NBEA: variants seen among roughly 807,000 people sequenced by gnomAD.
The protein encoded by NBEA is lysosomal-trafficking regulator 2.
Under a neutral mutation model 343.4 loss-of-function variants are expected in NBEA, and 44 were observed. The observed-to-expected ratio is 0.13, with a 90% confidence interval of 0.10 to 0.16. NBEA has a LOEUF of 0.16. Ranked by LOEUF, NBEA falls within the 10% of genes least tolerant of loss-of-function variation. The probability of loss-of-function intolerance (pLI) is 1.00; values close to 1 mark genes in which losing one functional copy is unlikely to be tolerated. For missense variants in NBEA, 2,555 were observed against 3,631.3 expected (o/e 0.70, Z 7.62); for synonymous variants, 1,175 against 1,238.7 (o/e 0.95, Z 1.08).
At chr13:35,331,273 G>A (rs898811747) in intron 36 of NBEA, among the ~76,000 whole-genome samples, 10 of 151,982 alleles carry the variant, frequency 6.6e-5, no homozygotes, top group African/African-American at 2.2e-4. Flanking sequence ...CCCAATCAAA[G>A]TCTGTCTTCT....
At chr13:35,137,552 G>A (rs1428563956) in intron 17 of NBEA, among the ~76,000 whole-genome samples, 1 of 151,476 alleles carries the variant, frequency 6.6e-6, no homozygotes, top group Non-Finnish European at 1.5e-5. Context: ...TTAAATGTGA[G>A]TAAAATTACA....
intron 38 of NBEA, among the ~76,000 whole-genome samples, chr13:35,356,454 T>G (rs1177755207): frequency 6.6e-6 from 1 of 152,198 alleles, no homozygotes; most frequent in Non-Finnish European, 1.5e-5. Context: ...TTATACAGTG[T>G]ACGTTTCTAC....
At chr13:34,988,025 C>G (rs2060619278) in intron 1 of NBEA, among the ~76,000 whole-genome samples, 2 of 151,090 alleles carry the variant, frequency 1.3e-5, no homozygotes, top group Non-Finnish European at 3.0e-5. Flanking sequence ...CTCCATGCAG[C>G]TTTGTTCTTT....
intron 41 of NBEA, among the ~76,000 whole-genome samples, chr13:35,533,901 A>T (rs1034563775): frequency 2.0e-5 from 3 of 152,220 alleles, no homozygotes; most frequent in Non-Finnish European, 4.4e-5. Flanking sequence ...GAAACACAGA[A>T]ATAACCTCTA....
At chr13:35,655,116 C>T (rs2084752952) in intron 54 of NBEA, 106 bp downstream of exon 54, 1 of 854,366 alleles carries the variant, frequency 1.2e-6, no homozygotes, top group African/African-American at 1.8e-5. Context: ...CATTTGCCAA[C>T]TTGAGTAGTC....
intron 31 of NBEA, among the ~76,000 whole-genome samples, chr13:35,205,652 A>G (rs1344067075): frequency 6.6e-6 from 1 of 152,060 alleles, no homozygotes; most frequent in African/African-American, 2.4e-5. Flanking sequence ...AGCAGAGTAT[A>G]TGAGGATTAT....
At chr13:35,563,851 T>C (rs1435876164) in intron 44 of NBEA, among the ~76,000 whole-genome samples, 2 of 143,938 alleles carry the variant, frequency 1.4e-5, no homozygotes. Flanking sequence ...TTTTCTTCTT[T>C]GTATTTTTTT....
chr13:35,396,831 T>C (rs1438701604), intron 38 of NBEA, among the ~76,000 whole-genome samples: 1 of 152,158 alleles, frequency 6.6e-6, no homozygotes, highest in Non-Finnish European at 1.5e-5. Flanking sequence ...CTAGGAGTAA[T>C]TTTTCATTCA....
intron 31 of NBEA, among the ~76,000 whole-genome samples, chr13:35,198,341 T>G (rs1303146619): frequency 1.3e-5 from 2 of 152,142 alleles, no homozygotes; most frequent in African/African-American, 2.4e-5. Flanking sequence ...AATTATATCT[T>G]TAAATGTTGG....
chr13:34,997,518 T>A (rs192568218), intron 1 of NBEA, among the ~76,000 whole-genome samples: 148 of 152,328 alleles, frequency 9.7e-4, no homozygotes, highest in African/African-American at 3.3e-3. Flanking sequence ...TGTAGTTGTT[T>A]AAAAATATTT....
intron 38 of NBEA, among the ~76,000 whole-genome samples, chr13:35,426,035 G>T (rs1387256106): frequency 6.6e-6 from 1 of 152,128 alleles, no homozygotes; most frequent in African/African-American, 2.4e-5. Flanking sequence ...TTGAGCCTAT[G>T]TGTGTCTCTG....
intron 41 of NBEA, among the ~76,000 whole-genome samples, chr13:35,495,782 G>T (rs898780247): frequency 1.3e-5 from 2 of 151,838 alleles, no homozygotes; most frequent in Non-Finnish European, 2.9e-5. Context: ...AAATTTAAAA[G>T]GATTAAAATA....
At chr13:34,983,922 T>C (rs1189296441) in intron 1 of NBEA, among the ~76,000 whole-genome samples, 1 of 152,208 alleles carries the variant, frequency 6.6e-6, no homozygotes, top group African/African-American at 2.4e-5. Flanking sequence ...ATATAAGGCC[T>C]TTGTCAGATG....
intron 41 of NBEA, among the ~76,000 whole-genome samples, chr13:35,504,895 A>T (rs2077018212): frequency 1.3e-5 from 2 of 152,172 alleles, no homozygotes; most frequent in South Asian, 2.1e-4. Flanking sequence ...TACAGGCGTG[A>T]GCCACTGTAC....
intron 36 of NBEA, among the ~76,000 whole-genome samples, chr13:35,328,474 A>G (rs2038720609): frequency 6.6e-6 from 1 of 152,054 alleles, no homozygotes. Flanking sequence ...AAGTAATTGT[A>G]CATTTTGAAA....
intron 1 of NBEA, among the ~76,000 whole-genome samples, chr13:35,028,946 A>T (rs1234933434): frequency 6.6e-6 from 1 of 151,718 alleles, no homozygotes; most frequent in Non-Finnish European, 1.5e-5. Flanking sequence ...ATGTATCAGA[A>T]CTTCATTCAT....
At chr13:35,260,794 A>T (rs886759148) in intron 34 of NBEA, among the ~76,000 whole-genome samples, 1 of 152,208 alleles carries the variant, frequency 6.6e-6, no homozygotes, top group African/African-American at 2.4e-5. Flanking sequence ...TTCTATCTCT[A>T]ATCAGCCAGA....
At chr13:35,483,148 G>C (rs2076182860) in intron 41 of NBEA, among the ~76,000 whole-genome samples, 1 of 151,812 alleles carries the variant, frequency 6.6e-6, no homozygotes, top group South Asian at 2.1e-4. Flanking sequence ...TCATGTATGT[G>C]ACAAATTAAT....
intron 41 of NBEA, among the ~76,000 whole-genome samples, chr13:35,501,039 C>T (rs954114416): frequency 3.9e-5 from 6 of 152,114 alleles, no homozygotes; most frequent in African/African-American, 1.2e-4. Context: ...AGAACTGTTG[C>T]TGTGCCCCTT....
Sources: allele counts gnomAD v4.1 joint callset (sites outside exome capture counted in the v4.1 genomes callset), GRCh38; gene constraint gnomAD v4.1.1; transcripts MANE v1.5; gene names NCBI Gene and HGNC (gene_info 2026-07-23, HGNC 2026-07-21).